The following CNTN4 variants were observed in gnomAD, a reference collection of about 807,000 sequenced individuals.
CNTN4 encodes contactin 4.
Under a neutral mutation model 122.5 loss-of-function variants are expected in CNTN4, and 77 were observed. The observed-to-expected ratio is 0.63, with a 90% CI of 0.52 to 0.76. The LOEUF is 0.76. CNTN4 is among the 30% of genes least tolerant of loss of function. The probability of loss-of-function intolerance (pLI) is 0.00; values close to 1 mark genes in which losing one functional copy is unlikely to be tolerated. For missense variants in CNTN4, 1,256 were observed against 1,259.1 expected, an observed-to-expected ratio of 1.00 and a Z score of 0.04; for synonymous variants, 512 against 447.0, an observed-to-expected ratio of 1.15 and a Z score of -1.83.
intron 3 of CNTN4, among the ~76,000 whole-genome samples, chr3:2,480,874 A>G (rs1303571113): frequency 6.6e-6 from 1 of 152,230 alleles, no homozygotes; most frequent in Non-Finnish European, 1.5e-5. Context: ...AAATCAAGAC[A>G]GTGTGGTATT....
At chr3:2,263,225 A>C (rs966321434) in intron 2 of CNTN4, among the ~76,000 whole-genome samples, 10 of 152,152 alleles carry the variant, frequency 6.6e-5, no homozygotes, top group African/African-American at 9.7e-5. Context: ...TGCTGGGTAG[A>C]TTGTGAACTA....
At chr3:2,484,884 G>T (rs550579419) in intron 3 of CNTN4, among the ~76,000 whole-genome samples, 1 of 152,318 alleles carries the variant, frequency 6.6e-6, no homozygotes, top group Non-Finnish European at 1.5e-5. Flanking sequence ...GGCTGAGCCA[G>T]CTCCCTCTGC....
At chr3:2,980,844 C>A (rs1693893445) in intron 13 of CNTN4, among the ~76,000 whole-genome samples, 1 of 152,050 alleles carries the variant, frequency 6.6e-6, no homozygotes, top group Non-Finnish European at 1.5e-5. Context: ...TTGGATAGAC[C>A]AGGTGTGACG....
At chr3:2,526,737 G>A (rs1328801068) in intron 3 of CNTN4, among the ~76,000 whole-genome samples, 1 of 151,968 alleles carries the variant, frequency 6.6e-6, no homozygotes, top group Non-Finnish European at 1.5e-5. Flanking sequence ...CTTCCCTGAG[G>A]TTTTTTTACT....
intron 3 of CNTN4, among the ~76,000 whole-genome samples, chr3:2,565,769 A>G (rs1316866149): frequency 6.6e-6 from 1 of 152,088 alleles, no homozygotes; most frequent in Non-Finnish European, 1.5e-5. Flanking sequence ...AGCCTATTTA[A>G]TCTCTTGCTT....
At chr3:2,410,324 T>C (rs1008364936) in intron 3 of CNTN4, among the ~76,000 whole-genome samples, 42 of 152,170 alleles carry the variant, frequency 2.8e-4, no homozygotes, top group Admixed American at 1.2e-3. Context: ...GAGTCATAGT[T>C]TTTAGATAAA....
intron 2 of CNTN4, among the ~76,000 whole-genome samples, chr3:2,270,849 G>T (rs2041265648): frequency 6.6e-6 from 1 of 152,132 alleles, no homozygotes. Context: ...CTCCCGATGT[G>T]CAGTTGTTTA....
At chr3:2,502,420 C>A (rs988611260) in intron 3 of CNTN4, among the ~76,000 whole-genome samples, 2 of 152,094 alleles carry the variant, frequency 1.3e-5, no homozygotes, top group Non-Finnish European at 2.9e-5. Context: ...TACTTTCTTG[C>A]ACAATTCCAG....
intron 3 of CNTN4, among the ~76,000 whole-genome samples, chr3:2,527,717 A>C (rs1020796394): frequency 6.6e-6 from 1 of 152,082 alleles, no homozygotes; most frequent in Non-Finnish European, 1.5e-5. Context: ...CTATTATTTA[A>C]ATATAATTTT....
intron 3 of CNTN4, among the ~76,000 whole-genome samples, chr3:2,481,099 T>TTCTC (rs2075991048): frequency 1.1e-5 from 1 of 90,574 alleles, no homozygotes; most frequent in South Asian, 4.1e-4. Context: ...CTTTCTTTCT[T>TTCTC]TCTTTCTCTC....
At chr3:2,726,428 T>G (rs1402272237) in intron 4 of CNTN4, among the ~76,000 whole-genome samples, 1 of 152,158 alleles carries the variant, frequency 6.6e-6, no homozygotes, top group Non-Finnish European at 1.5e-5. Context: ...CCAAACCACT[T>G]GAGTTGAAAG....
At chr3:2,751,453 T>C (rs1043779333) in intron 6 of CNTN4, among the ~76,000 whole-genome samples, 5 of 152,214 alleles carry the variant, frequency 3.3e-5, no homozygotes, top group African/African-American at 9.6e-5. Context: ...GAAAGCTCCT[T>C]TGAGCTTAAG....
chr3:2,120,386 T>TATATAA (rs2033666665), intron 2 of CNTN4, among the ~76,000 whole-genome samples: 1 of 27,668 alleles, frequency 3.6e-5, no homozygotes, highest in African/African-American at 9.5e-5. Context: ...TATATATATA[T>TATATAA]ATATATATAT....
At chr3:2,294,276 G>A (rs575038828) in intron 2 of CNTN4, among the ~76,000 whole-genome samples, 167 of 136,146 alleles carry the variant, frequency 1.2e-3, no homozygotes, top group Admixed American at 2.4e-3. Flanking sequence ...AGGAAAGGCA[G>A]AAGAGTTGTG....
At chr3:2,518,104 C>A (rs550768676) in intron 3 of CNTN4, among the ~76,000 whole-genome samples, 8 of 152,124 alleles carry the variant, frequency 5.3e-5, no homozygotes, top group African/African-American at 9.6e-5. Context: ...GTTGAAAGTA[C>A]CTTTTGTGGC....
intron 2 of CNTN4, among the ~76,000 whole-genome samples, chr3:2,136,820 T>G (rs1167265031): frequency 6.6e-6 from 1 of 152,168 alleles, no homozygotes; most frequent in Admixed American, 6.5e-5. Flanking sequence ...TAGTGTACTG[T>G]GGAAAGTCGT....
intron 2 of CNTN4, among the ~76,000 whole-genome samples, chr3:2,318,121 A>C (rs2043171077): frequency 6.6e-6 from 1 of 152,034 alleles, no homozygotes; most frequent in Non-Finnish European, 1.5e-5. Flanking sequence ...CTGAGGCAGC[A>C]GGACTGCTTG....
chr3:2,217,905 A>G (rs928512364), intron 2 of CNTN4, among the ~76,000 whole-genome samples: 2 of 152,160 alleles, frequency 1.3e-5, no homozygotes, highest in Non-Finnish European at 2.9e-5. Context: ...AGAGAGTGAT[A>G]AATAAATCAA....
chr3:3,043,570 G>T (rs201415080), intron 22 of CNTN4, 22 bp from the exon 23 acceptor site: 8 of 1,535,484 alleles, frequency 5.2e-6, no homozygotes, highest in Admixed American at 1.7e-5. Flanking sequence ...CTGTGACTTC[G>T]TATATCTTAA....
Sources: allele counts gnomAD v4.1 joint callset (sites outside exome capture counted in the v4.1 genomes callset), GRCh38; gene constraint gnomAD v4.1.1; transcripts MANE v1.5; gene names NCBI Gene and HGNC (gene_info 2026-07-23, HGNC 2026-07-21).